Variants in HECW1 observed in about 807,000 individuals in gnomAD.
The protein encoded by HECW1 is HECT, C2 and WW domain containing E3 ubiquitin protein ligase 1, also known as E3 ubiquitin-protein ligase HECW1.
In HECW1, 61 loss-of-function variants were observed where a neutral mutation model predicts 182.3. The ratio of observed to expected loss-of-function variants is 0.33; its 90% confidence interval spans 0.27 to 0.41. The LOEUF (loss-of-function observed/expected upper bound fraction) is 0.41, where lower values mean the gene tolerates loss of function less well. Ranked by LOEUF, HECW1 falls within the 10% of genes least tolerant of loss-of-function variation. The pLI, the probability that HECW1 is intolerant of heterozygous loss-of-function variation, is 1.00. For synonymous variants in HECW1, 859 were observed against 832.6 expected (o/e 1.03, Z -0.55); for missense variants, 1,739 against 2,108.9 (o/e 0.82, Z 3.44).
intron 3 of HECW1, among the ~76,000 whole-genome samples, chr7:43,281,522 C>T (rs1050109659): frequency 6.6e-6 from 1 of 152,134 alleles, no homozygotes; most frequent in South Asian, 2.1e-4. Flanking sequence ...GGAGTTTAAA[C>T]CCAGACCTGA....
At position 43,115,007 on chromosome 7, in the gene HECW1, A is replaced by G. The variant is rs184252690; in HGVS notation, c.-32+616A>G. ...TATGATTGTTAACAAAAGAAATATT[A>G]AAAGGCCAGATGTGATATGGAAAGA... On this transcript the variant is annotated intron_variant, in intron 2 of 29. Transcript: ENST00000395891. Among the ~76,000 whole-genome samples, 550 of 152,358 alleles carry G rather than the reference A, an allele frequency of 3.6e-3. 3 individuals carry two copies. The highest frequency in any genetic ancestry group is 3.4e-3 in the Non-Finnish European group (230 of 68,032).
intron 2 of HECW1, among the ~76,000 whole-genome samples, chr7:43,119,883 A>G (rs1473048793): frequency 6.6e-6 from 1 of 152,052 alleles, no homozygotes; most frequent in African/African-American, 2.4e-5. Context: ...AAGCGCTAGT[A>G]AGCTTTCCTA....
At chr7:43,488,492 A>AAGAAAGAAAG (rs1563046879) in intron 17 of HECW1, among the ~76,000 whole-genome samples, 107 of 132,510 alleles carry the variant, frequency 8.1e-4, no homozygotes, top group African/African-American at 3.0e-3. Context: ...AAGAAAGAGA[A>AAGAAAGAAAG]AGAAAGAAAG....
chr7:43,514,034 C>T (rs1443465261), intron 24 of HECW1, among the ~76,000 whole-genome samples: 1 of 152,160 alleles, frequency 6.6e-6, no homozygotes, highest in Non-Finnish European at 1.5e-5. Context: ...TGGCCAAACC[C>T]AACCATGAAC....
At chr7:43,250,134 C>T (rs1437060329) in intron 3 of HECW1, among the ~76,000 whole-genome samples, 1 of 147,860 alleles carries the variant, frequency 6.8e-6, no homozygotes, top group African/African-American at 2.4e-5. Context: ...CACACACACA[C>T]GCGCACACAC....
chr7:43,165,457 T>A (rs1053665622), intron 2 of HECW1, among the ~76,000 whole-genome samples: 1 of 152,018 alleles, frequency 6.6e-6, no homozygotes, highest in African/African-American at 2.4e-5. Context: ...TACAACAGCC[T>A]CTAATGACAT....
At chr7:43,215,558 C>T (rs1420673101) in intron 2 of HECW1, among the ~76,000 whole-genome samples, 2 of 152,298 alleles carry the variant, frequency 1.3e-5, no homozygotes, top group Non-Finnish European at 2.9e-5. Context: ...TATTTTTAAA[C>T]TTCAAAGTTG....
chr7:43,218,891 G>A (rs1443337115), intron 2 of HECW1, among the ~76,000 whole-genome samples: 1 of 152,168 alleles, frequency 6.6e-6, no homozygotes, highest in Non-Finnish European at 1.5e-5. Flanking sequence ...AGACAAGAAA[G>A]AAGAAGAAAG....
chr7:43,183,528 A>C lies in HECW1; in HGVS notation c.-31-60347A>C, dbSNP rs185870915. On this transcript the variant is annotated intron_variant, in intron 2 of 29. Transcript: ENST00000395891. ...TTTTTGAAAAAAGAAGAATATATAT[A>C]CACATACACTTATTTAAAAATATTG... Among the ~76,000 whole-genome samples the C allele has an allele frequency of 2.0e-5, 3 of 152,342 alleles. No homozygotes were observed. In the East Asian group the frequency reaches 5.8e-4, roughly 29 times the overall value.
intron 8 of HECW1, 98 bp downstream of exon 8, chr7:43,407,829 T>G (rs1473081035): frequency 8.4e-6 from 9 of 1,070,846 alleles, no homozygotes; most frequent in Non-Finnish European, 1.2e-5. Flanking sequence ...AGCCCTGGAC[T>G]CTGCTGCTCA....
At chr7:43,273,379 A>G (rs957640547) in intron 3 of HECW1, among the ~76,000 whole-genome samples, 2 of 152,236 alleles carry the variant, frequency 1.3e-5, no homozygotes, top group Admixed American at 6.5e-5. Flanking sequence ...GTGCAGCAAC[A>G]TAATGACAGA....
chr7:43,297,949 C>T lies in HECW1; in HGVS notation c.28-13814C>T, dbSNP rs143768894. Among the ~76,000 whole-genome samples the T allele has an allele frequency of 4.6e-3, 693 of 152,178 alleles. 2 individuals are homozygous for T. The highest frequency in any genetic ancestry group is 6.7e-3 in the Non-Finnish European group (457 of 68,010). ...ATTAGCCAGACATGATAGTACATGA[C>T]GGTGGTCCCAACTACTCAAAAAGCT... On this transcript the variant is annotated intron_variant, in intron 3 of 29. Coordinates refer to ENST00000395891, the MANE Select transcript of HECW1 (RefSeq NM_015052.5).
intron 26 of HECW1, among the ~76,000 whole-genome samples, chr7:43,547,524 C>T (rs2164041): frequency 0.16 from 24,200 of 150,766 alleles, 2,539 homozygotes; most frequent in Non-Finnish European, 0.24. Flanking sequence ...TCCAGCCTGG[C>T]GACAGAGTGA....
At chr7:43,170,439 G>A (rs1163537304) in intron 2 of HECW1, among the ~76,000 whole-genome samples, 1 of 152,130 alleles carries the variant, frequency 6.6e-6, no homozygotes, top group Non-Finnish European at 1.5e-5. Flanking sequence ...GGTTTCACGG[G>A]CACCCTTGGC....
intron 3 of HECW1, among the ~76,000 whole-genome samples, chr7:43,244,398 A>G (rs1236008006): frequency 6.6e-6 from 1 of 152,142 alleles, no homozygotes; most frequent in Non-Finnish European, 1.5e-5. Context: ...CTCTTGCAGC[A>G]GGGTTGCTTT....
At chr7:43,494,937 T>C (rs1353735724) in intron 19 of HECW1, among the ~76,000 whole-genome samples, 3 of 152,160 alleles carry the variant, frequency 2.0e-5, no homozygotes, top group African/African-American at 4.8e-5. Flanking sequence ...CTGCGTACTC[T>C]CCTGCCTTTG....
intron 11 of HECW1, among the ~76,000 whole-genome samples, chr7:43,448,626 A>G (rs2077137991): frequency 6.6e-6 from 1 of 152,216 alleles, no homozygotes; most frequent in African/African-American, 2.4e-5. Context: ...CAGTGAGGGT[A>G]ACTGTTTATA....
chr7:43,495,380 A>T (rs1051200698), intron 19 of HECW1, among the ~76,000 whole-genome samples: 1 of 151,870 alleles, frequency 6.6e-6, no homozygotes, highest in Non-Finnish European at 1.5e-5. Context: ...TTCTGTTCTT[A>T]TGTTAGTTTG....
intron 7 of HECW1, among the ~76,000 whole-genome samples, chr7:43,397,494 G>A (rs1415866232): frequency 6.6e-6 from 1 of 152,190 alleles, no homozygotes; most frequent in African/African-American, 2.4e-5. Flanking sequence ...GTGCAGGTGG[G>A]CTGAGTACGA....
Sources: gnomAD v4.1 joint callset for allele counts (sites outside exome capture counted in the v4.1 genomes callset) on GRCh38, gnomAD v4.1.1 for gene constraint, MANE v1.5 for transcripts, NCBI Gene and HGNC (gene_info 2026-07-23, HGNC 2026-07-21) for gene names.